The following SPSB1 variants were observed in gnomAD, a reference collection of about 807,000 sequenced individuals.
SPSB1 encodes the protein SPRY domain-containing SOCS box protein 1.
A neutral mutation model predicts 21.2 loss-of-function variants in SPSB1; 8 were observed. That is an observed-to-expected ratio of 0.38 (90% CI 0.22 to 0.68). The LOEUF is 0.68. Among genes scored for constraint, SPSB1 ranks in the 30% least tolerant of loss-of-function variants. SPSB1 has a pLI of 0.53. For synonymous variants in SPSB1, 169 were observed against 161.7 expected, an observed-to-expected ratio of 1.05 and a Z score of -0.34; for missense variants, 242 against 377.8, an observed-to-expected ratio of 0.64 and a Z score of 2.98.
chr1:9,359,269 A>G (rs1640425859), intron 2 of SPSB1, among the ~76,000 whole-genome samples: 1 of 152,184 alleles, frequency 6.6e-6, no homozygotes, highest in Admixed American at 6.5e-5. Flanking sequence ...ACACCGAGCA[A>G]AACATTGGAG....
chr1:9,330,071 A>G (rs1231872501), intron 1 of SPSB1, among the ~76,000 whole-genome samples: 3 of 152,236 alleles, frequency 2.0e-5, no homozygotes, highest in South Asian at 2.1e-4. Context: ...TGAGGACACA[A>G]GGCATCTCTT....
In SPSB1 at chr1:9,348,485, C is replaced by T. The variant is rs188558958; in HGVS notation, c.-149-7258C>T. Among the ~76,000 whole-genome samples the T allele has an allele frequency of 1.5e-4, 23 of 152,108 alleles. No individual in the cohort carries two copies. Among genetic ancestry groups the T allele is most frequent in the African/African-American group, 5.3e-4 (22 of 41,472 alleles). ...GAAGACAGGTGCCCTTCACCTGTCC[C>T]GGGTCTAGGACTCCCAAACAGTGCA... On this transcript the variant is annotated intron_variant, in intron 1 of 2. Transcript: ENST00000328089. This position sits in a 1 kb window ranked among gnomAD's most constrained non-coding sequence, Gnocchi z 4.8.
chr1:9,349,054 G>C (rs1640209474), intron 1 of SPSB1, among the ~76,000 whole-genome samples: 1 of 152,126 alleles, frequency 6.6e-6, no homozygotes, highest in Non-Finnish European at 1.5e-5. Context: ...CAAACCCCAG[G>C]GCTTCGTGTC....
chr1:9,336,797 T>G (rs1640012020), intron 1 of SPSB1, among the ~76,000 whole-genome samples: 1 of 152,198 alleles, frequency 6.6e-6, no homozygotes, highest in Non-Finnish European at 1.5e-5. Flanking sequence ...GAAACTGCAC[T>G]GCTCCCTGGA....
intron 1 of SPSB1, among the ~76,000 whole-genome samples, chr1:9,333,417 G>A (rs149322691): frequency 4.9e-5 from 7 of 142,194 alleles, no homozygotes; most frequent in South Asian, 2.3e-4. Context: ...TGCAACCTCC[G>A]CCTCCCAGGT....
At chr1:9,327,400 G>A (rs923404890) in intron 1 of SPSB1, among the ~76,000 whole-genome samples, 9 of 152,274 alleles carry the variant, frequency 5.9e-5, no homozygotes, top group Admixed American at 5.9e-4. Flanking sequence ...AACTAAAACA[G>A]GATAGTAGCT....
At chr1:9,300,345 G>GGCCC (rs1299715620) in intron 1 of SPSB1, among the ~76,000 whole-genome samples, 1 of 152,174 alleles carries the variant, frequency 6.6e-6, no homozygotes, top group East Asian at 1.9e-4. Flanking sequence ...TTTTGAGTGG[G>GGCCC]GCCCGTAGCA....
In SPSB1 at chr1:9,299,774, C is replaced by T. The variant is rs113499438; in HGVS notation, c.-150+6703C>T. 4.1e-3 allele frequency among the ~76,000 whole-genome samples: 618 copies of T among 152,122 alleles called. 2 individuals carry two copies. Among genetic ancestry groups the T allele is most frequent in the African/African-American group, 0.013 (560 of 41,518 alleles). Reference sequence around the variant, plus strand: ...GATTACAGGCATGAGCCACTGCGCCCGGGCCGACATCATCTCTATAAATTT... The same window carrying T: ...GATTACAGGCATGAGCCACTGCGCCTGGGCCGACATCATCTCTATAAATTT... On this transcript the variant is annotated intron_variant, in intron 1 of 2. Transcript: ENST00000328089.
chr1:9,308,464 A>G (rs1224876168), intron 1 of SPSB1, among the ~76,000 whole-genome samples: 1 of 152,222 alleles, frequency 6.6e-6, no homozygotes, highest in Non-Finnish European at 1.5e-5. Context: ...GCTGTCATCA[A>G]CTGGGGGACC....
rs1389936133 is a variant in SPSB1 at position 9,367,450 on chromosome 1, G to A, written c.697G>A (p.Glu233Lys). Residue 233 changes from glutamate (E) to lysine (K), a missense_variant and splice_region_variant, in exon 3 of 3, where the codon GAG becomes AAG. Physicochemically the swap from Glu to Lys is moderately conservative, Grantham distance 56 (BLOSUM62 1). Coordinates refer to ENST00000328089, the MANE Select transcript of SPSB1 (RefSeq NM_025106.4). This position sits in a 1 kb window ranked among gnomAD's most constrained non-coding sequence, Gnocchi z 5.9. Reference protein sequence around the residue: ...RMRYLNGLDPEPLPLMDLCRR... With the variant: ...RMRYLNGLDPKPLPLMDLCRR... ...CTGCAGTTTCTCTGTCTCCCCAGCC[G>A]AGCCGCTGCCGCTCATGGATTTGTG... 10 of 1,613,484 alleles carry A rather than the reference G, an allele frequency of 6.2e-6. No individual in the cohort carries two copies. The highest frequency in any genetic ancestry group is 1.3e-5 in the African/African-American group (1 of 74,928).
intron 1 of SPSB1, among the ~76,000 whole-genome samples, chr1:9,331,478 G>T (rs1486273216): frequency 1.3e-5 from 2 of 151,918 alleles, no homozygotes; most frequent in Non-Finnish European, 2.9e-5. Context: ...TTACAGGCAT[G>T]CGCCACCATG....
intron 1 of SPSB1, among the ~76,000 whole-genome samples, chr1:9,309,260 C>T (rs1336651544): frequency 2.8e-5 from 4 of 144,730 alleles, no homozygotes; most frequent in Admixed American, 6.9e-5. Flanking sequence ...TGCTCCCCTG[C>T]GGAGAGAGAG....
chr1:9,345,806 A>T lies in SPSB1; in HGVS notation c.-149-9937A>T, dbSNP rs1051634799. Among the ~76,000 whole-genome samples, 3 of 152,160 alleles carry T rather than the reference A, an allele frequency of 2.0e-5. No individual in the cohort carries two copies. The highest frequency in any genetic ancestry group is 6.5e-5 in the Admixed American group (1 of 15,284). On this transcript the variant is annotated intron_variant, in intron 1 of 2. Coordinates refer to ENST00000328089, the MANE Select transcript of SPSB1 (RefSeq NM_025106.4). This position sits in a 1 kb window ranked among gnomAD's most constrained non-coding sequence, Gnocchi z 4.8. Reference sequence around the variant, plus strand: ...CCAAAATCACTTGTCAGAACTTTCCAGAAGGATCCTGTTCTTTTTTGTTGA... The same window carrying T: ...CCAAAATCACTTGTCAGAACTTTCCTGAAGGATCCTGTTCTTTTTTGTTGA...
chr1:9,354,820 C>T (rs1640335721), intron 1 of SPSB1, among the ~76,000 whole-genome samples: 1 of 151,994 alleles, frequency 6.6e-6, no homozygotes, highest in African/African-American at 2.4e-5. Flanking sequence ...AAGAATTCTT[C>T]CTGGGCTACC....
chr1:9,336,903 C>T (rs1640014017), intron 1 of SPSB1, among the ~76,000 whole-genome samples: 1 of 152,284 alleles, frequency 6.6e-6, no homozygotes, highest in South Asian at 2.1e-4. Context: ...GGGGAAGGAG[C>T]CTTCTAACCT....
rs1008679 is a variant in SPSB1, at chr1:9,321,027, G to A, written c.-150+27956G>A. The stretch of plus-strand genomic sequence containing the variant: ...GCCAAGGCAGTGGGAGTTGCTGTGC[G>A]GGGGATTCTGGCTGGAAAAGGCAGC... On this transcript the variant is annotated intron_variant, in intron 1 of 2. Coordinates refer to ENST00000328089, the MANE Select transcript of SPSB1 (RefSeq NM_025106.4). This position sits in a 1 kb window ranked among gnomAD's most constrained non-coding sequence, Gnocchi z 4.8. Among the ~76,000 whole-genome samples, 16,853 of 152,086 alleles carry A rather than the reference G, an allele frequency of 0.11. 2,144 individuals carry two copies. Among genetic ancestry groups the A allele is most frequent in the African/African-American group, 0.31 (13,021 of 41,408 alleles).
intron 1 of SPSB1, among the ~76,000 whole-genome samples, chr1:9,309,267 AGAGAGAGAGAGAGTGT>A (rs1479492211): frequency 6.9e-6 from 1 of 145,314 alleles, no homozygotes; most frequent in Non-Finnish European, 1.5e-5. Flanking sequence ...CTGCGGAGAG[AGAGAGAGAGAGAGTGT>A]GAGAGAGAGA....
At chr1:9,330,786 G>A (rs1254202502) in intron 1 of SPSB1, among the ~76,000 whole-genome samples, 9 of 151,778 alleles carry the variant, frequency 5.9e-5, no homozygotes, top group African/African-American at 9.7e-5. Context: ...GTTCAGTAGC[G>A]TTGAGTACAT....
At chr1:9,364,371 G>C (rs1307468533) in intron 2 of SPSB1, among the ~76,000 whole-genome samples, 1 of 152,258 alleles carries the variant, frequency 6.6e-6, no homozygotes, top group East Asian at 1.9e-4. Flanking sequence ...TGGCCTTCAG[G>C]ATCTTGGCTG....
Sources: gnomAD v4.1 joint callset for allele counts (sites outside exome capture counted in the v4.1 genomes callset) on GRCh38, gnomAD v4.1.1 for gene constraint, Gnocchi (gnomAD v3.1) non-coding constraint, MANE v1.5 for transcripts, NCBI Gene and HGNC (gene_info 2026-07-23, HGNC 2026-07-21) for gene names.